TM6SF1: variants seen among roughly 807,000 people sequenced by gnomAD.
The protein encoded by TM6SF1 is transmembrane 6 superfamily member 1.
Under a neutral mutation model 47.1 loss-of-function variants are expected in TM6SF1, and 43 were observed. The ratio of observed to expected loss-of-function variants is 0.91; its 90% CI spans 0.72 to 1.18. The LOEUF is 1.18. TM6SF1 is among the 50% of genes most tolerant of loss of function. TM6SF1 has a pLI of 0.00. For missense variants in TM6SF1, 390 were observed against 449.0 expected, an observed-to-expected ratio of 0.87 and a Z score of 1.19; for synonymous variants, 177 against 166.3, an observed-to-expected ratio of 1.06 and a Z score of -0.49.
At chr15:83,110,846 CT>C (rs2034079523) in intron 1 of TM6SF1, among the ~76,000 whole-genome samples, 1 of 152,190 alleles carries the variant, frequency 6.6e-6, no homozygotes, top group South Asian at 2.1e-4. Context: ...AACAGCCACC[CT>C]CATTCTTTTT....
At chr15:83,133,548 A>G (rs2036402044) in intron 9 of TM6SF1, 1 of 152,252 alleles carries the variant, frequency 6.6e-6, no homozygotes, top group Non-Finnish European at 1.5e-5. Context: ...GAAGTGGAAG[A>G]AAAATTATTA....
chr15:83,123,087 G>A (rs1286619891), intron 6 of TM6SF1, among the ~76,000 whole-genome samples: 1 of 152,178 alleles, frequency 6.6e-6, no homozygotes, highest in Non-Finnish European at 1.5e-5. Context: ...TGCTTCTGTT[G>A]GCAAGGCCAT....
intron 3 of TM6SF1, 57 bp downstream of exon 3, chr15:83,115,999 C>T (rs886268573): frequency 1.5e-6 from 2 of 1,311,992 alleles, no homozygotes; most frequent in African/African-American, 1.4e-5. Flanking sequence ...ACCCAGATCA[C>T]ATTACTCAGA....
At chr15:83,118,407 G>C (rs2034900605) in intron 3 of TM6SF1, among the ~76,000 whole-genome samples, 1 of 152,200 alleles carries the variant, frequency 6.6e-6, no homozygotes, top group African/African-American at 2.4e-5. Context: ...TACCAGGAGA[G>C]GCCAGCACTG....
In TM6SF1 at chr15:83,136,949, A is replaced by G. The variant is rs1006206636; in HGVS notation, c.*277A>G. 4.3e-6 allele frequency: 1 copy of G among 234,848 alleles called. No homozygotes were observed. Among genetic ancestry groups the G allele is most frequent in the Non-Finnish European group, 8.3e-6 (1 of 120,884 alleles). 14.5% of individuals were successfully genotyped at this position (234,848 alleles called of 1,614,324 possible). ...ATATTGTTTGACATATAAAATAATT[A>G]TAAGTGTAAAAAATTACAATTTAGT... On this transcript the variant is annotated 3_prime_UTR_variant, in exon 10 of 10. Coordinates refer to ENST00000322019, the MANE Select transcript of TM6SF1 (RefSeq NM_023003.5).
chr15:83,112,676 A>G (rs568475265), intron 1 of TM6SF1, 121 bp from the exon 2 acceptor site: 26 of 749,276 alleles, frequency 3.5e-5, no homozygotes, highest in Admixed American at 1.0e-4. Flanking sequence ...AGCTGCAGGC[A>G]GAGGCAGAAT....
At position 83,118,230 on chromosome 15, in the gene TM6SF1, TACACACACACAC is replaced by T. The variant is rs72160704; in HGVS notation, c.295-1324_295-1313del. Among the ~76,000 whole-genome samples the T allele has an allele frequency of 1.7e-3, 246 of 146,346 alleles. 3 individuals carry two copies. In the South Asian group the frequency reaches 0.028, roughly 17 times the overall value. On this transcript the variant is annotated intron_variant, in intron 3 of 9. Coordinates refer to ENST00000322019, the MANE Select transcript of TM6SF1 (RefSeq NM_023003.5). Reference sequence around the variant, plus strand: ...CAGAGTGAGACCCTGTCTCTGTACGTACACACACACACACACACACACACACACACACACATA... The same window carrying T: ...CAGAGTGAGACCCTGTCTCTGTACGTACACACACACACACACACACACATA...
chr15:83,115,996 T>A (rs2034624554), intron 3 of TM6SF1, 54 bp downstream of exon 3: 3 of 1,324,434 alleles, frequency 2.3e-6, no homozygotes, highest in Non-Finnish European at 3.3e-6. Flanking sequence ...ACAACCCAGA[T>A]CACATTACTC....
intron 3 of TM6SF1, among the ~76,000 whole-genome samples, chr15:83,116,571 T>C (rs1052127743): frequency 6.6e-6 from 1 of 152,102 alleles, no homozygotes; most frequent in African/African-American, 2.4e-5. Context: ...CTGTGGGAGT[T>C]TGGGTTTTAT....
chr15:83,127,233 AG>A, intron 8 of TM6SF1, 124 bp from the exon 9 acceptor site: 1 of 887,950 alleles, frequency 1.1e-6, no homozygotes, highest in Non-Finnish European at 1.6e-6. Flanking sequence ...AAAAAAAAAA[AG>A]AGTCCCATAT....
At chr15:83,111,806 C>A in intron 1 of TM6SF1, 1 of 425,108 alleles carries the variant, frequency 2.4e-6, no homozygotes, top group Non-Finnish European at 3.1e-6. Context: ...GTGGGTAGAG[C>A]TCAGAGTCCA....
Position 83,115,909 on chromosome 15 carries a change from C to T in TM6SF1, c.261C>T (p.Ile87=), listed in dbSNP as rs986306417. 2 of 1,614,008 alleles carry T rather than the reference C, an allele frequency of 1.2e-6. No individual in the cohort carries two copies. Among genetic ancestry groups the T allele is most frequent in the African/African-American group, 2.7e-5 (2 of 74,930 alleles). The change falls in exon 3 of 10, where the codon ATC becomes ATT. Residue 87 remains isoleucine, a synonymous_variant. Transcript: ENST00000322019. ...TCATAGGACTGGAGCAAGATGGAATCATTGACGGGTTCATGACACACTACT... is the reference window on the plus strand; with the variant it reads ...TCATAGGACTGGAGCAAGATGGAATTATTGACGGGTTCATGACACACTACT... ...NLIIGLEQDG[I]IDGFMTHYLR... is the part of the protein sequence containing the mutation.
chr15:83,126,912 G>A (rs2035806381), intron 8 of TM6SF1, 65 bp downstream of exon 8: 11 of 1,333,728 alleles, frequency 8.2e-6, no homozygotes, highest in Non-Finnish European at 1.2e-5. Context: ...ATGGGTCCCA[G>A]CTGGGTGCGG....
At chr15:83,111,563 T>C (rs1387156968) in intron 1 of TM6SF1, 6 of 963,096 alleles carry the variant, frequency 6.2e-6, no homozygotes, top group African/African-American at 1.8e-5. Context: ...ATTCTTATCT[T>C]TCTCTCTCCT....
chr15:83,123,950 C>A (rs1039897750), intron 6 of TM6SF1, among the ~76,000 whole-genome samples: 1 of 146,346 alleles, frequency 6.8e-6, no homozygotes, highest in Non-Finnish European at 1.5e-5. Flanking sequence ...ATGTTATCAA[C>A]CTTAATAATT....
At position 83,107,965 on chromosome 15, in the gene TM6SF1, C is replaced by A; in HGVS notation, c.92+193C>A. 1 of 1,174,014 alleles carries A rather than the reference C, an allele frequency of 8.5e-7. No homozygotes were observed. Among genetic ancestry groups the A allele is most frequent in the Non-Finnish European group, 1.1e-6 (1 of 914,976 alleles). The allele number at this position is 1,174,014 out of a possible 1,614,324, so 72.7% of individuals were successfully genotyped here. A position where few individuals can be genotyped will look rare whatever the true frequency, so the allele number is the denominator to read the frequency against. ...GGGTCGCACGGGCCGGGTCTTGGAGCCGGGCCCTGAGGTGCCCAGGCTGGC... is the reference window on the plus strand; with the variant it reads ...GGGTCGCACGGGCCGGGTCTTGGAGACGGGCCCTGAGGTGCCCAGGCTGGC... On this transcript the variant is annotated intron_variant, in intron 1 of 9. Coordinates refer to ENST00000322019, the MANE Select transcript of TM6SF1 (RefSeq NM_023003.5). The surrounding 1 kb of genome is among the most constrained non-coding windows in gnomAD (Gnocchi z 5.6).
In TM6SF1 at chr15:83,122,757, G is replaced by A; in HGVS notation, c.482G>A (p.Gly161Glu). ...VVVFVPGNIV[G>E]KYGTRICPAF... ...CTTTCTCTTTCTCTCTTTTAAATAG[G>A]GAAGTATGGAACACGAATTTGCCCT... is the stretch of plus-strand genomic sequence containing the variant. The change falls in exon 6 of 10, where the codon GGG (glycine) becomes GAG (glutamate). Residue 161 changes from glycine to glutamate, a missense_variant and splice_region_variant. Physicochemically the swap from Gly to Glu is moderately conservative, Grantham distance 98 (BLOSUM62 -2). Coordinates refer to ENST00000322019, the MANE Select transcript of TM6SF1 (RefSeq NM_023003.5). 1.2e-6 allele frequency: 2 copies of A among 1,613,076 alleles called. No individual in the cohort carries two copies. The highest frequency in any genetic ancestry group is 1.7e-6 in the Non-Finnish European group (2 of 1,179,718).
In TM6SF1 at chr15:83,136,783, C is replaced by T; in HGVS notation, c.*111C>T. ...ATACGTGAGTACTTAAGAATATGTA[C>T]ATTCTTGCTCTGCACTGTATGTGTG... On this transcript the variant is annotated 3_prime_UTR_variant, in exon 10 of 10. Coordinates refer to ENST00000322019, the MANE Select transcript of TM6SF1 (RefSeq NM_023003.5). 1 of 915,840 alleles carries T rather than the reference C, an allele frequency of 1.1e-6. No individual in the cohort carries two copies. The highest frequency in any genetic ancestry group is 1.6e-6 in the Non-Finnish European group (1 of 609,796). 56.7% of individuals were successfully genotyped at this position (915,840 alleles called of 1,614,324 possible). A position where few individuals can be genotyped will look rare whatever the true frequency, so the allele number is the denominator to read the frequency against.
At chr15:83,119,932 C>A (rs1433051218) in intron 4 of TM6SF1, 4 of 399,726 alleles carry the variant, frequency 1.0e-5, no homozygotes, top group Admixed American at 4.1e-5. Context: ...TGTTGTCTTA[C>A]AAGAATAATT....
Sources: gnomAD v4.1 joint callset for allele counts (sites outside exome capture counted in the v4.1 genomes callset) on GRCh38, gnomAD v4.1.1 for gene constraint, Gnocchi (gnomAD v3.1) non-coding constraint, MANE v1.5 for transcripts, NCBI Gene and HGNC (gene_info 2026-07-23, HGNC 2026-07-21) for gene names.